GAK: variants seen among roughly 807,000 people sequenced by gnomAD.
GAK encodes the protein cyclin-G-associated kinase.
GAK carries 79 observed loss-of-function variants against 143.9 expected under a neutral mutation model. That is an observed-to-expected ratio of 0.55 (90% CI 0.46 to 0.66). The LOEUF (loss-of-function observed/expected upper bound fraction) is 0.66. GAK is among the 30% of genes least tolerant of loss of function. GAK has a pLI of 0.00. For synonymous variants in GAK, 881 were observed against 765.5 expected (o/e 1.15, Z -2.49); for missense variants, 1,693 against 1,779.7 (o/e 0.95, Z 0.88).
rs1411023243 is a variant in GAK, at chr4:849,745, G to C, written c.3864C>G (p.Ala1288=). 3.7e-6 allele frequency: 6 copies of C among 1,613,348 alleles called. No homozygotes were observed. In the African/African-American group the frequency reaches 8.0e-5, roughly 22 times the overall value. The change falls in exon 28 of 28, where the codon GCC becomes GCG. Residue 1288 remains alanine, a synonymous_variant. Transcript: ENST00000314167. ...KAAGQPYEQH[A]KMIFMELNDA... The stretch of plus-strand genomic sequence containing the variant: ...CATTCAGCTCCATGAAGATCATCTT[G>C]GCGTGCTGCTCGTACGGCTGCCCCG...
Position 881,840 on chromosome 4 carries a change from C to A in GAK, c.1661+67G>T, listed in dbSNP as rs1180306171. On this transcript the variant is annotated intron_variant, in intron 15 of 27. Transcript: ENST00000314167. ...CCGACTGGCCCTCCAGGAGACACCA[C>A]AGCGGGGGCGGCAGTGCCACACGGG... The A allele has an allele frequency of 9.3e-6, 14 of 1,498,970 alleles. No individual in the cohort carries two copies. The East Asian group carries it at 3.5e-4, about 37-fold the overall frequency. 92.9% of individuals were successfully genotyped at this position (1,498,970 alleles called of 1,614,324 possible).
In GAK at chr4:882,835, A is replaced by G; in HGVS notation, c.1405-16T>C. ...ACTCGGAGACCTGTGGGGACAGGGC[A>G]CGGTGGCACGGACGGCAGAGGAGCC... On this transcript the variant is annotated splice_polypyrimidine_tract_variant and intron_variant, in intron 13 of 27. Coordinates refer to ENST00000314167, the MANE Select transcript of GAK (RefSeq NM_005255.4). 6 of 1,605,248 alleles carry G rather than the reference A, an allele frequency of 3.7e-6. No individual in the cohort carries two copies. Among genetic ancestry groups the G allele is most frequent in the Non-Finnish European group, 5.1e-6 (6 of 1,178,536 alleles).
chr4:875,597 G>A (rs950391021), intron 18 of GAK, among the ~76,000 whole-genome samples: 4 of 152,222 alleles, frequency 2.6e-5, no homozygotes, highest in African/African-American at 9.6e-5. Context: ...TCTGTCTTGG[G>A]AGCCCCCGTG....
At chr4:917,939 CACA>C (rs1210015067) in intron 1 of GAK, among the ~76,000 whole-genome samples, 1 of 152,162 alleles carries the variant, frequency 6.6e-6, no homozygotes, top group Non-Finnish European at 1.5e-5. Context: ...AGGAAGAAAT[CACA>C]ACAAGCTTAT....
At chr4:851,143 G>T in intron 25 of GAK, 59 bp from the exon 26 acceptor site, 3 of 1,481,146 alleles carry the variant, frequency 2.0e-6, no homozygotes, top group Non-Finnish European at 9.3e-7. Flanking sequence ...TGTCACCCAG[G>T]CCAGAGTGCA....
chr4:883,838 C>G (rs1305487148), intron 12 of GAK, among the ~76,000 whole-genome samples, 199 bp downstream of exon 12: 1 of 152,258 alleles, frequency 6.6e-6, no homozygotes, highest in Non-Finnish European at 1.5e-5. Flanking sequence ...CAGGCTGGCG[C>G]TGACCCTGTC....
intron 14 of GAK, among the ~76,000 whole-genome samples, chr4:882,495 G>A (rs1467147905): frequency 6.6e-6 from 1 of 152,206 alleles, no homozygotes; most frequent in East Asian, 1.9e-4. Context: ...AGGCCAGGAA[G>A]GGCCACATGG....
intron 2 of GAK, 57 bp from the exon 3 acceptor site, chr4:912,851 C>T: frequency 6.8e-7 from 1 of 1,472,436 alleles, no homozygotes; most frequent in Admixed American, 1.7e-5. Flanking sequence ...TCCTACTCCA[C>T]CCGATGCATC....
intron 14 of GAK, among the ~76,000 whole-genome samples, chr4:882,269 G>C (rs1355429847): frequency 6.6e-6 from 1 of 152,236 alleles, no homozygotes; most frequent in East Asian, 1.9e-4. Flanking sequence ...CACTCCAACA[G>C]GCTCTGCTGG....
chr4:875,377 CAAG>C (rs768893084), intron 18 of GAK, among the ~76,000 whole-genome samples: 1 of 152,240 alleles, frequency 6.6e-6, no homozygotes, highest in African/African-American at 2.4e-5. Flanking sequence ...CAGAAAAACA[CAAG>C]AAGACACCCC....
chr4:928,065 T>A (rs764719042), intron 1 of GAK, among the ~76,000 whole-genome samples: 4 of 152,340 alleles, frequency 2.6e-5, no homozygotes, highest in African/African-American at 4.8e-5. Context: ...CCTAAGGGTC[T>A]ACTTTTTTTT....
intron 20 of GAK, 143 bp downstream of exon 20, chr4:868,396 G>T: frequency 1.4e-6 from 1 of 693,664 alleles, no homozygotes; most frequent in South Asian, 1.9e-5. Context: ...AGAACAGGCT[G>T]ACATGCCGGG....
At chr4:882,072 T>C (rs1577144318) in intron 14 of GAK, 32 bp from the exon 15 acceptor site, 2 of 1,570,598 alleles carry the variant, frequency 1.3e-6, no homozygotes, top group East Asian at 2.3e-5. Context: ...CGCGTGCGCC[T>C]CGCACTCATG....
chr4:857,698 G>A (rs1038526506), intron 24 of GAK, among the ~76,000 whole-genome samples: 5 of 152,144 alleles, frequency 3.3e-5, no homozygotes, highest in East Asian at 1.9e-4. Context: ...CAGCAGCCCC[G>A]GGAGAGGTCT....
chr4:920,010 T>G (rs1045700798), intron 1 of GAK, among the ~76,000 whole-genome samples: 2 of 152,004 alleles, frequency 1.3e-5, no homozygotes, highest in African/African-American at 2.4e-5. Flanking sequence ...AGCAAGATCT[T>G]GTCTTAAAAA....
rs1019018791 is a variant in GAK at position 849,584 on chromosome 4, T to C, written c.*89A>G. ...AGCCCCACCCTGGCCACACCTGCTG[T>C]CGCCCACGGGGTCCTCACGGTGGGG... On this transcript the variant is annotated 3_prime_UTR_variant, in exon 28 of 28. Transcript: ENST00000314167. The C allele has an allele frequency of 9.9e-7, 1 of 1,014,146 alleles. No homozygotes were observed. The highest frequency in any genetic ancestry group is 1.5e-6 in the Non-Finnish European group (1 of 661,586). The allele number at this position is 1,014,146 out of a possible 1,614,324, so 62.8% of individuals were successfully genotyped here. A position where few individuals can be genotyped will look rare whatever the true frequency, so the allele number is the denominator to read the frequency against.
At chr4:878,497 ATG>A (rs143243097) in intron 15 of GAK, among the ~76,000 whole-genome samples, 12,242 of 152,236 alleles carry the variant, frequency 0.08, 682 homozygotes, top group South Asian at 0.18. Flanking sequence ...AAAGAAATAA[ATG>A]TGTGTTTTTC....
In GAK at chr4:850,926, A is replaced by G. The variant is rs1748029565; in HGVS notation, c.3657+10T>C. The G allele has an allele frequency of 1.9e-6, 3 of 1,609,526 alleles. No individual in the cohort carries two copies. The highest frequency in any genetic ancestry group is 2.5e-6 in the Non-Finnish European group (3 of 1,177,424). On this transcript the variant is annotated intron_variant, in intron 26 of 27. Coordinates refer to ENST00000314167, the MANE Select transcript of GAK (RefSeq NM_005255.4). ...TCTGGGCTCCCAGGAAGAGCTGCCC[A>G]CCCACCCACCTTCAGCTTGAGTGGG...
At chr4:900,183 G>A (rs538643431) in intron 5 of GAK, among the ~76,000 whole-genome samples, 6 of 152,354 alleles carry the variant, frequency 3.9e-5, no homozygotes, top group South Asian at 2.1e-4. Context: ...ACAGCAGGAC[G>A]ATGCACAGGG....
Sources: allele counts gnomAD v4.1 joint callset (sites outside exome capture counted in the v4.1 genomes callset), GRCh38; gene constraint gnomAD v4.1.1; transcripts MANE v1.5; gene names NCBI Gene and HGNC (gene_info 2026-07-23, HGNC 2026-07-21).